Variants in NOL4 observed in about 807,000 individuals in gnomAD.
The protein encoded by NOL4 is cancer/testis antigen 125.
Under a neutral mutation model 75.9 loss-of-function variants are expected in NOL4, and 17 were observed. The ratio of observed to expected loss-of-function variants is 0.22; its 90% CI spans 0.15 to 0.34. The LOEUF (loss-of-function observed/expected upper bound fraction) is 0.34. Ranked by LOEUF, NOL4 falls within the 10% of genes least tolerant of loss-of-function variation. The probability of loss-of-function intolerance (pLI) is 1.00; values close to 1 mark genes in which losing one functional copy is unlikely to be tolerated. For synonymous variants in NOL4, 292 were observed against 289.9 expected (o/e 1.01, Z -0.07); for missense variants, 614 against 793.5 (o/e 0.77, Z 2.72).
intron 8 of NOL4, among the ~76,000 whole-genome samples, chr18:33,956,259 G>T (rs550616779): frequency 2.0e-5 from 3 of 152,200 alleles, no homozygotes; most frequent in South Asian, 4.1e-4. Context: ...TAATTTAATG[G>T]TTACTTAACT....
chr18:33,947,145 T>C (rs2068890901), intron 8 of NOL4, among the ~76,000 whole-genome samples: 3 of 151,812 alleles, frequency 2.0e-5, no homozygotes, highest in Non-Finnish European at 4.4e-5. Context: ...AAAGTACTAA[T>C]ATCGAGAGAG....
chr18:34,152,367 C>T (rs889594760), intron 1 of NOL4, among the ~76,000 whole-genome samples: 1 of 151,806 alleles, frequency 6.6e-6, no homozygotes, highest in Admixed American at 6.6e-5. Context: ...TGTAAATAGA[C>T]ATGACCAGGT....
At chr18:33,941,738 T>A (rs1198758829) in intron 9 of NOL4, among the ~76,000 whole-genome samples, 1 of 151,816 alleles carries the variant, frequency 6.6e-6, no homozygotes, top group African/African-American at 2.4e-5. Flanking sequence ...CTTGGTGAAG[T>A]TTGCACAATT....
chr18:33,955,956 T>G (rs2069613351), intron 8 of NOL4, among the ~76,000 whole-genome samples: 1 of 152,096 alleles, frequency 6.6e-6, no homozygotes, highest in Admixed American at 6.6e-5. Flanking sequence ...ACTAAAAGTC[T>G]CCTATATATT....
intron 1 of NOL4, among the ~76,000 whole-genome samples, chr18:34,178,053 C>A (rs2033705896): frequency 6.6e-6 from 1 of 151,708 alleles, no homozygotes; most frequent in Non-Finnish European, 1.5e-5. Context: ...ATCATTATAA[C>A]CTTGTGTTGA....
rs2064072609 is a variant in NOL4 at position 33,878,617 on chromosome 18, G to A, written c.1723+4627C>T. ...ACTGTAAACTAAGTGATTTCCTAGA[G>A]TATAAACTCAGACTAATAATGTAAT... On this transcript the variant is annotated intron_variant, in intron 10 of 10. Transcript: ENST00000261592. Among the ~76,000 whole-genome samples the A allele has an allele frequency of 1.3e-5, 2 of 152,112 alleles. 1 individual carries two copies. Among genetic ancestry groups the A allele is most frequent in the East Asian group, 3.9e-4 (2 of 5,158 alleles).
At chr18:34,219,710 C>T (rs1375742180) in intron 1 of NOL4, among the ~76,000 whole-genome samples, 1 of 152,242 alleles carries the variant, frequency 6.6e-6, no homozygotes, top group Non-Finnish European at 1.5e-5. Context: ...TTCTAAATTT[C>T]TGACACTTTT....
intron 1 of NOL4, among the ~76,000 whole-genome samples, chr18:34,178,112 T>A (rs1355140024): frequency 6.6e-6 from 1 of 151,722 alleles, no homozygotes; most frequent in Non-Finnish European, 1.5e-5. Context: ...TAAGGACTAG[T>A]TGAGACTATT....
intron 10 of NOL4, among the ~76,000 whole-genome samples, chr18:33,860,280 C>A (rs1055158543): frequency 1.5e-4 from 23 of 152,182 alleles, no homozygotes; most frequent in Non-Finnish European, 2.9e-4. Context: ...AAACCATATT[C>A]TGCCCCTACC....
intron 1 of NOL4, among the ~76,000 whole-genome samples, chr18:34,162,366 G>C (rs186630213): frequency 3.9e-5 from 6 of 152,166 alleles, no homozygotes; most frequent in Admixed American, 3.9e-4. Flanking sequence ...AGAAAAGAGA[G>C]AAGAATCAAA....
chr18:34,191,891 A>G (rs1450909859), intron 1 of NOL4, among the ~76,000 whole-genome samples: 2 of 152,124 alleles, frequency 1.3e-5, no homozygotes, highest in Admixed American at 1.3e-4. Flanking sequence ...AATTTACCCT[A>G]CATGGTTAAA....
At chr18:33,853,216 G>C (rs1233650676) in intron 10 of NOL4, among the ~76,000 whole-genome samples, 181 bp from the exon 11 acceptor site, 1 of 152,102 alleles carries the variant, frequency 6.6e-6, no homozygotes, top group Non-Finnish European at 1.5e-5. Flanking sequence ...TGGTAACCGA[G>C]TGGCTTCTCT....
rs1416037386 is a variant in NOL4 at position 34,118,471 on chromosome 18, T to C, written c.414+11400A>G. ...TTGAAATTAAATTGAACAGAGCCTATAAATCCAAATGTTATTAAAAGCCTG... is the reference window on the plus strand; with the variant it reads ...TTGAAATTAAATTGAACAGAGCCTACAAATCCAAATGTTATTAAAAGCCTG... On this transcript the variant is annotated intron_variant, in intron 2 of 10. Coordinates refer to ENST00000261592, the MANE Select transcript of NOL4 (RefSeq NM_003787.5). Among the ~76,000 whole-genome samples the C allele has an allele frequency of 2.0e-5, 3 of 152,186 alleles. No homozygotes were observed. The East Asian group carries it at 5.8e-4, about 29-fold the overall frequency.
chr18:33,899,491 A>T (rs2065621217), intron 9 of NOL4, among the ~76,000 whole-genome samples: 1 of 152,056 alleles, frequency 6.6e-6, no homozygotes, highest in Non-Finnish European at 1.5e-5. Context: ...CAGCCAGGAG[A>T]AGTTGCTCCT....
chr18:33,909,280 C>T (rs561873180), intron 9 of NOL4, among the ~76,000 whole-genome samples: 1 of 152,196 alleles, frequency 6.6e-6, no homozygotes, highest in East Asian at 1.9e-4. Context: ...CTCTAGGAGT[C>T]TTTTACTTTA....
At chr18:34,208,445 T>TA (rs755517190) in intron 1 of NOL4, among the ~76,000 whole-genome samples, 3,015 of 140,624 alleles carry the variant, frequency 0.021, 26 homozygotes, top group Admixed American at 0.029. Context: ...AGAAAAAGAT[T>TA]AAAAAAAAAA....
At chr18:34,146,848 T>C (rs1056627139) in intron 1 of NOL4, among the ~76,000 whole-genome samples, 5 of 151,856 alleles carry the variant, frequency 3.3e-5, no homozygotes, top group Non-Finnish European at 7.4e-5. Context: ...TTCCTAACCA[T>C]GAACATGGAA....
At chr18:33,998,205 T>C (rs904396390) in intron 6 of NOL4, among the ~76,000 whole-genome samples, 1 of 152,014 alleles carries the variant, frequency 6.6e-6, no homozygotes, top group Non-Finnish European at 1.5e-5. Flanking sequence ...ATAGTGATGG[T>C]TGCATATATC....
At chr18:34,009,526 G>A (rs1457571353) in intron 6 of NOL4, among the ~76,000 whole-genome samples, 1 of 151,900 alleles carries the variant, frequency 6.6e-6, no homozygotes, top group African/African-American at 2.4e-5. Flanking sequence ...TTCATTTATT[G>A]TAAAACATGC....
Sources: gnomAD v4.1 joint callset for allele counts (sites outside exome capture counted in the v4.1 genomes callset) on GRCh38, gnomAD v4.1.1 for gene constraint, MANE v1.5 for transcripts, NCBI Gene and HGNC (gene_info 2026-07-23, HGNC 2026-07-21) for gene names.